Variants in BRIP1 observed in about 807,000 individuals in gnomAD.
The protein encoded by BRIP1 is Fanconi anemia group J protein.
BRIP1 carries 88 observed loss-of-function variants against 119.7 expected under a neutral mutation model. That is an observed-to-expected ratio of 0.74 (90% CI 0.62 to 0.88). The LOEUF is 0.88. Among genes scored for constraint, BRIP1 ranks in the 40% least tolerant of loss-of-function variants. The probability of loss-of-function intolerance (pLI) is 0.00; values close to 1 mark genes in which losing one functional copy is unlikely to be tolerated. For missense variants in BRIP1, 1,259 were observed against 1,455.4 expected (o/e 0.87, Z 2.20); for synonymous variants, 443 against 496.5 (o/e 0.89, Z 1.43).
Position 61,755,055 on chromosome 17 carries a change from T to A in BRIP1, c.2098-10464A>T, listed in dbSNP as rs1186126041. On this transcript the variant is annotated intron_variant, in intron 14 of 19. Transcript: ENST00000259008. The surrounding 1 kb of genome is among the most constrained non-coding windows in gnomAD (Gnocchi z 4.5). ...TTATTTTCTGTCTCTCACCCTGGAA[T>A]ACAAAAGGACAATGATTTTTGTCTG... is the stretch of plus-strand genomic sequence containing the variant. 1.3e-5 allele frequency among the ~76,000 whole-genome samples: 2 copies of A among 152,204 alleles called. No individual in the cohort carries two copies. Among genetic ancestry groups the A allele is most frequent in the Non-Finnish European group, 2.9e-5 (2 of 68,038 alleles).
At position 61,745,692 on chromosome 17, in the gene BRIP1, CATATGAGTTAAATAG is replaced by C. The variant is rs898165373; in HGVS notation, c.2098-1116_2098-1102del. Among the ~76,000 whole-genome samples, 1 of 152,098 alleles carries C rather than the reference CATATGAGTTAAATAG, an allele frequency of 6.6e-6. No individual in the cohort carries two copies. The highest frequency in any genetic ancestry group is 1.5e-5 in the Non-Finnish European group (1 of 68,016). Reference sequence around the variant, plus strand: ...CTGTAAAACTCATATTCTTAAAAACCATATGAGTTAAATAGAAAAAACACAGTATAACTCATGAAA... The same window carrying C: ...CTGTAAAACTCATATTCTTAAAAACCAAAAAACACAGTATAACTCATGAAA... On this transcript the variant is annotated intron_variant, in intron 14 of 19. Coordinates refer to ENST00000259008, the MANE Select transcript of BRIP1 (RefSeq NM_032043.3). This position sits in a 1 kb window ranked among gnomAD's most constrained non-coding sequence, Gnocchi z 4.4.
rs547091490 is a variant in BRIP1 at position 61,813,810 on chromosome 17, G to C, written c.628-5053C>G. 2.6e-5 allele frequency among the ~76,000 whole-genome samples: 4 copies of C among 152,090 alleles called. No individual in the cohort carries two copies. The South Asian group carries it at 8.3e-4, about 32-fold the overall frequency. On this transcript the variant is annotated intron_variant, in intron 6 of 19. Coordinates refer to ENST00000259008, the MANE Select transcript of BRIP1 (RefSeq NM_032043.3). ...AAGCCACGGAGAAGACAATGACAAG[G>C]ATCACCTCATCTTACTGACAAAGAG...
chr17:61,696,845 T>G (rs1240991007), intron 17 of BRIP1, among the ~76,000 whole-genome samples: 5 of 150,746 alleles, frequency 3.3e-5, no homozygotes, highest in Non-Finnish European at 5.9e-5. Flanking sequence ...ATTAGCCGGG[T>G]GTGGTGGCGG....
rs942238367 is a variant in BRIP1 at position 61,752,631 on chromosome 17, C to T, written c.2098-8040G>A. The stretch of plus-strand genomic sequence containing the variant: ...ATAGTCTATTCCTTTATTAAATTGC[C>T]TACAAGTACGTGAATCCTTAAATGC... On this transcript the variant is annotated intron_variant, in intron 14 of 19. Transcript: ENST00000259008. The surrounding 1 kb of genome is among the most constrained non-coding windows in gnomAD (Gnocchi z 6.2). Among the ~76,000 whole-genome samples, 7 of 152,104 alleles carry T rather than the reference C, an allele frequency of 4.6e-5. No individual in the cohort carries two copies. The highest frequency in any genetic ancestry group is 1.0e-4 in the Non-Finnish European group (7 of 68,012).
rs2078106961 is a variant in BRIP1 at position 61,808,489 on chromosome 17, A to G, written c.896T>C (p.Met299Thr). The change falls in exon 7 of 20, where the codon ATG becomes ACG. Residue 299 changes from methionine to threonine, a missense_variant. By Grantham distance (81) the Met-to-Thr change is moderately conservative (BLOSUM62 -1). Transcript: ENST00000259008. This position sits in a 1 kb window ranked among gnomAD's most constrained non-coding sequence, Gnocchi z 4.1. The part of the protein sequence containing the change: ...VGNFNRNEKC[M>T]ELLDGKNGKS... ...CACGTTTTTCCCATCTAGCAATTCC[A>G]TGCACTTCTCATTTCTGTTGAAGTT... 1 of 1,613,738 alleles carries G rather than the reference A, an allele frequency of 6.2e-7. No individual in the cohort carries two copies. The highest frequency in any genetic ancestry group is 8.5e-7 in the Non-Finnish European group (1 of 1,179,648).
intron 4 of BRIP1, among the ~76,000 whole-genome samples, chr17:61,849,756 A>G (rs1254811606): frequency 6.6e-6 from 1 of 152,154 alleles, no homozygotes; most frequent in East Asian, 1.9e-4. Context: ...TAATTATCCC[A>G]ATCTTACAAA....
chr17:61,778,480 T>G lies in BRIP1; in HGVS notation c.1935+1781A>C, dbSNP rs2077567835. On this transcript the variant is annotated intron_variant, in intron 13 of 19. Coordinates refer to ENST00000259008, the MANE Select transcript of BRIP1 (RefSeq NM_032043.3). This position sits in a 1 kb window ranked among gnomAD's most constrained non-coding sequence, Gnocchi z 4.4. ...AAAATGGTTAAGATGGTAAATTTTA[T>G]ATATATTCTACCACAATTAAAAGTT... Among the ~76,000 whole-genome samples, 1 of 152,198 alleles carries G rather than the reference T, an allele frequency of 6.6e-6. No homozygotes were observed. Among genetic ancestry groups the G allele is most frequent in the African/African-American group, 2.4e-5 (1 of 41,450 alleles).
At position 61,824,061 on chromosome 17, in the gene BRIP1, C is replaced by T. The variant is rs892032729; in HGVS notation, c.628-15304G>A. 5.3e-5 allele frequency among the ~76,000 whole-genome samples: 8 copies of T among 152,126 alleles called. No individual in the cohort carries two copies. The highest frequency in any genetic ancestry group is 2.6e-4 in the Admixed American group (4 of 15,268). On this transcript the variant is annotated intron_variant, in intron 6 of 19. Coordinates refer to ENST00000259008, the MANE Select transcript of BRIP1 (RefSeq NM_032043.3). The surrounding 1 kb of genome is among the most constrained non-coding windows in gnomAD (Gnocchi z 4.3). ...AACTCCTGACCTCAGGTGATCCACC[C>T]GCCTCAGCCTCCCAAAGTGCTGGGA... is the stretch of plus-strand genomic sequence containing the variant.
In BRIP1 at chr17:61,683,293, T is replaced by G; in HGVS notation, c.*3A>C. 1 of 1,605,242 alleles carries G rather than the reference T, an allele frequency of 6.2e-7. No individual in the cohort carries two copies. The highest frequency in any genetic ancestry group is 8.5e-7 in the Non-Finnish European group (1 of 1,172,570). ...TTTTACTTAGCTTGAGAGTTAAGTA[T>G]TATTACTTAAAACCAGGAAACATGC... On this transcript the variant is annotated 3_prime_UTR_variant, in exon 20 of 20. Coordinates refer to ENST00000259008, the MANE Select transcript of BRIP1 (RefSeq NM_032043.3). This position sits in a 1 kb window ranked among gnomAD's most constrained non-coding sequence, Gnocchi z 4.7.
At chr17:61,732,913 C>T (rs1371421372) in intron 16 of BRIP1, among the ~76,000 whole-genome samples, 8 of 152,066 alleles carry the variant, frequency 5.3e-5, no homozygotes, top group Non-Finnish European at 7.4e-5. Flanking sequence ...AGGCTGGTCT[C>T]GAACTCCTGA....
intron 5 of BRIP1, 50 bp from the exon 6 acceptor site, chr17:61,847,270 T>C (rs752024326): frequency 3.1e-6 from 5 of 1,605,118 alleles, no homozygotes; most frequent in Non-Finnish European, 4.3e-6. Flanking sequence ...GAAGTTTAAC[T>C]GGCTAGTTGT....
At chr17:61,782,435 A>G (rs1242183497) in intron 11 of BRIP1, among the ~76,000 whole-genome samples, 5 of 151,774 alleles carry the variant, frequency 3.3e-5, no homozygotes, top group Non-Finnish European at 7.4e-5. Context: ...AAATCTTCAT[A>G]TCAGATTTGG....
intron 11 of BRIP1, among the ~76,000 whole-genome samples, chr17:61,782,477 C>T (rs527688206): frequency 2.0e-5 from 3 of 150,154 alleles, no homozygotes; most frequent in Non-Finnish European, 4.4e-5. Flanking sequence ...ACTAAAAGTA[C>T]AGGCAACAAC....
rs2077206991 is a variant in BRIP1 at position 61,756,817 on chromosome 17, G to C, written c.2098-12226C>G. Reference sequence around the variant, plus strand: ...TAAGACCTCTTTGCCCTCATTAGTGGTATTGTTACAATCCCAGTCCTCTGG... The same window carrying C: ...TAAGACCTCTTTGCCCTCATTAGTGCTATTGTTACAATCCCAGTCCTCTGG... On this transcript the variant is annotated intron_variant, in intron 14 of 19. Coordinates refer to ENST00000259008, the MANE Select transcript of BRIP1 (RefSeq NM_032043.3). The surrounding 1 kb of genome is among the most constrained non-coding windows in gnomAD (Gnocchi z 4.3). Among the ~76,000 whole-genome samples, 4 of 152,084 alleles carry C rather than the reference G, an allele frequency of 2.6e-5. No homozygotes were observed. The South Asian group carries it at 8.3e-4, about 32-fold the overall frequency.
intron 14 of BRIP1, among the ~76,000 whole-genome samples, chr17:61,764,673 C>T (rs1198327022): frequency 6.6e-6 from 1 of 152,112 alleles, no homozygotes; most frequent in Non-Finnish European, 1.5e-5. Flanking sequence ...CCATATCAAG[C>T]TCAAAAATTG....
At chr17:61,741,671 G>A (rs1206513325) in intron 16 of BRIP1, among the ~76,000 whole-genome samples, 2 of 152,170 alleles carry the variant, frequency 1.3e-5, no homozygotes, top group Non-Finnish European at 2.9e-5. Context: ...GTAATATTTT[G>A]AAAGGAACTG....
chr17:61,794,235 G>A lies in BRIP1; in HGVS notation c.1341-506C>T, dbSNP rs1164702294. 6.6e-6 allele frequency among the ~76,000 whole-genome samples: 1 copy of A among 151,968 alleles called. No individual in the cohort carries two copies. Among genetic ancestry groups the A allele is most frequent in the East Asian group, 1.9e-4 (1 of 5,196 alleles). On this transcript the variant is annotated intron_variant, in intron 9 of 19. Coordinates refer to ENST00000259008, the MANE Select transcript of BRIP1 (RefSeq NM_032043.3). The surrounding 1 kb of genome is among the most constrained non-coding windows in gnomAD (Gnocchi z 4.3). ...GTTCTGGGTAGTGAAAATAACAGCAGTTAAATAAAATAGGCAAGGTCCTTA... is the reference window on the plus strand; with the variant it reads ...GTTCTGGGTAGTGAAAATAACAGCAATTAAATAAAATAGGCAAGGTCCTTA...
rs1372389862 is a variant in BRIP1, at chr17:61,831,971, G to T, written c.627+15130C>A. ...ATAAATGTATATGTCTATGAGTCTG[G>T]GTTTGTGTACACAATACATTGTGTA... On this transcript the variant is annotated intron_variant, in intron 6 of 19. Coordinates refer to ENST00000259008, the MANE Select transcript of BRIP1 (RefSeq NM_032043.3). The surrounding 1 kb of genome is among the most constrained non-coding windows in gnomAD (Gnocchi z 4.1). 6.6e-6 allele frequency among the ~76,000 whole-genome samples: 1 copy of T among 152,062 alleles called. No homozygotes were observed. Among genetic ancestry groups the T allele is most frequent in the Non-Finnish European group, 1.5e-5 (1 of 68,016 alleles).
intron 6 of BRIP1, among the ~76,000 whole-genome samples, chr17:61,819,185 CAAAA>C (rs3034662): frequency 1.1e-4 from 15 of 135,906 alleles, no homozygotes; most frequent in Admixed American, 2.3e-4. Context: ...GAATTTGTCT[CAAAA>C]AAAAAAAAAA....
Sources: allele counts gnomAD v4.1 joint callset (sites outside exome capture counted in the v4.1 genomes callset), GRCh38; gene constraint gnomAD v4.1.1; non-coding constraint Gnocchi (gnomAD v3.1); transcripts MANE v1.5; gene names NCBI Gene and HGNC (gene_info 2026-07-23, HGNC 2026-07-21).